Variants in ABCA6 observed in about 807,000 individuals in gnomAD.
ABCA6 encodes the protein ATP-binding cassette sub-family A member 6.
ABCA6 carries 164 observed loss-of-function variants against 191.2 expected under a neutral mutation model. The ratio of observed to expected loss-of-function variants is 0.86; its 90% CI spans 0.76 to 0.98. The LOEUF (loss-of-function observed/expected upper bound fraction) is 0.98. Ranked by LOEUF, ABCA6 falls within the 50% of genes least tolerant of loss-of-function variation. The pLI is 0.00. For missense variants in ABCA6, 1,958 were observed against 1,894.1 expected (o/e 1.03, Z -0.63); for synonymous variants, 636 against 647.7 (o/e 0.98, Z 0.27).
chr17:69,125,344 T>C (rs2144698118), intron 8 of ABCA6, among the ~76,000 whole-genome samples: 1 of 152,046 alleles, frequency 6.6e-6, no homozygotes, highest in East Asian at 1.9e-4. Flanking sequence ...ACAAAGGAGA[T>C]ATAAATTTTG....
In ABCA6 at chr17:69,126,553, C is replaced by T. The variant is rs114631517; in HGVS notation, c.1120-1518G>A. On this transcript the variant is annotated intron_variant, in intron 8 of 38. Coordinates refer to ENST00000284425, the MANE Select transcript of ABCA6 (RefSeq NM_080284.3). The stretch of plus-strand genomic sequence containing the variant: ...GTCCTAGTTACTTGCGAGGCCGAGG[C>T]GGGAAGATCACTTAAGCCCAGGAGG... Among the ~76,000 whole-genome samples, 864 of 151,724 alleles carry T rather than the reference C, an allele frequency of 5.7e-3. 12 individuals are homozygous for T. Among genetic ancestry groups the T allele is most frequent in the African/African-American group, 0.02 (823 of 41,358 alleles).
chr17:69,131,380 CAT>C (rs111419291), intron 6 of ABCA6, among the ~76,000 whole-genome samples: 66 of 152,202 alleles, frequency 4.3e-4, no homozygotes, highest in Middle Eastern at 3.4e-3. Flanking sequence ...TTTTAAAAAA[CAT>C]ATCACATTCT....
Position 69,082,954 on chromosome 17 carries a change from A to G in ABCA6, c.4535T>C (p.Leu1512Pro). 1 of 1,614,210 alleles carries G rather than the reference A, an allele frequency of 6.2e-7. No individual in the cohort carries two copies. The highest frequency in any genetic ancestry group is 8.5e-7 in the Non-Finnish European group (1 of 1,180,030). Residue 1512 changes from leucine (L) to proline (P), a missense_variant, in exon 36 of 39, where the codon CTA (leucine) becomes CCA (proline). By Grantham distance (98) the Leu-to-Pro change is moderately conservative (BLOSUM62 -3). Coordinates refer to ENST00000284425, the MANE Select transcript of ABCA6 (RefSeq NM_080284.3). ...CACTTGAGACGTTTCCTTCACTTTT[A>G]GCTCTAGAATGTAATCCTTGCCAAG... is the stretch of plus-strand genomic sequence containing the variant. ...NKLGKDYILE[L>P]KVKETSQVTL...
intron 25 of ABCA6, among the ~76,000 whole-genome samples, chr17:69,091,913 T>C (rs2072932454): frequency 6.6e-6 from 1 of 152,140 alleles, no homozygotes; most frequent in Admixed American, 6.5e-5. Flanking sequence ...ACAATATTGC[T>C]AATGAATAAA....
chr17:69,125,638 C>A (rs112869917), intron 8 of ABCA6, among the ~76,000 whole-genome samples: 3 of 151,922 alleles, frequency 2.0e-5, no homozygotes, highest in Non-Finnish European at 4.4e-5. Context: ...CCAAAAGTGG[C>A]GAAGTGAAAT....
rs971749656 is a variant in ABCA6 at position 69,082,999 on chromosome 17, A to T, written c.4490T>A (p.Ile1497Asn). Residue 1497 changes from isoleucine (I) to asparagine (N), a missense_variant, in exon 36 of 39, where the codon ATC becomes AAC. Ile to Asn is a moderately radical substitution (Grantham distance 149). Transcript: ENST00000284425. ...VSGRLRCIGS[I>N]QHLKNKLGKD... ...GCCAAGTTTGTTTTTCAGGTGTTGG[A>T]TGGAGCCAATGCATCTATGGGCAAG... 1 of 1,614,088 alleles carries T rather than the reference A, an allele frequency of 6.2e-7. No homozygotes were observed. Among genetic ancestry groups the T allele is most frequent in the African/African-American group, 1.3e-5 (1 of 74,938 alleles).
Position 69,078,716 on chromosome 17 carries a change from AGTTTT to A in ABCA6, c.*252_*256del, listed in dbSNP as rs1481188072. ...TTTTTAAAAAATTCTAAGTTTATAT[AGTTTT>A]ATTTCCACAATACCCAGTGCCTGAC... is the stretch of plus-strand genomic sequence containing the variant. On this transcript the variant is annotated 3_prime_UTR_variant, in exon 39 of 39. Coordinates refer to ENST00000284425, the MANE Select transcript of ABCA6 (RefSeq NM_080284.3). 3.5e-6 allele frequency: 1 copy of A among 289,288 alleles called. No homozygotes were observed. Among genetic ancestry groups the A allele is most frequent in the East Asian group, 6.4e-5 (1 of 15,612 alleles). The allele number at this position is 289,288 out of a possible 1,614,324, so 17.9% of individuals were successfully genotyped here.
chr17:69,091,334 G>T, intron 25 of ABCA6, 72 bp from the exon 26 acceptor site: 1 of 1,516,618 alleles, frequency 6.6e-7, no homozygotes, highest in Non-Finnish European at 9.0e-7. Flanking sequence ...CATTTAAGAT[G>T]CAGGTGTTCT....
At chr17:69,111,240 A>C in intron 16 of ABCA6, 1 of 185,580 alleles carries the variant, frequency 5.4e-6, no homozygotes. Context: ...GAATGTTAGG[A>C]AGAAGAGACT....
intron 12 of ABCA6, 144 bp from the exon 13 acceptor site, chr17:69,115,081 A>C: frequency 1.5e-6 from 1 of 684,160 alleles, no homozygotes; most frequent in Non-Finnish European, 2.4e-6. Context: ...ATATATGCTT[A>C]TAGAACTGCA....
At position 69,110,007 on chromosome 17, in the gene ABCA6, A is replaced by T. The variant is rs570212722; in HGVS notation, c.2272+794T>A. 24 of 152,320 alleles carry T rather than the reference A, an allele frequency of 1.6e-4. No individual in the cohort carries two copies. In the East Asian group the frequency reaches 4.6e-3, roughly 29 times the overall value. 9.4% of individuals were successfully genotyped at this position (152,320 alleles called of 1,614,324 possible). A position where few individuals can be genotyped will look rare whatever the true frequency, so the allele number is the denominator to read the frequency against. ...GTGAAATTGTGAAGAAGGCAGAAGA[A>T]ATTCATGCTACTTTTGCTGTTGCAC... On this transcript the variant is annotated intron_variant, in intron 17 of 38. Coordinates refer to ENST00000284425, the MANE Select transcript of ABCA6 (RefSeq NM_080284.3).
chr17:69,085,796 G>A (rs935633425), intron 30 of ABCA6, 80 bp from the exon 31 acceptor site: 3 of 966,214 alleles, frequency 3.1e-6, no homozygotes, highest in African/African-American at 3.2e-5. Flanking sequence ...GAAATCTTCT[G>A]AGATTTCTGC....
chr17:69,078,984 C>T lies in ABCA6; in HGVS notation c.4843G>A (p.Asp1615Asn). The change falls in exon 39 of 39, where the codon GAT becomes AAT. Residue 1615 changes from aspartate to asparagine, a missense_variant. Coordinates refer to ENST00000284425, the MANE Select transcript of ABCA6 (RefSeq NM_080284.3). ...TMRWKLLPHS[D>N]EP is the part of the protein sequence containing the mutation. ...CTAGGTTTGAGGTTTTAAGGTTCAT[C>T]TGAATGAGGGAGGAGTTTCCATCTC... 3 of 1,607,902 alleles carry T rather than the reference C, an allele frequency of 1.9e-6. No homozygotes were observed. In the South Asian group the frequency reaches 3.3e-5, roughly 18 times the overall value.
At chr17:69,113,502 T>C (rs903920558) in intron 14 of ABCA6, 116 bp downstream of exon 14, 3 of 1,547,812 alleles carry the variant, frequency 1.9e-6, no homozygotes, top group South Asian at 1.2e-5. Context: ...TAGTTAAACA[T>C]AGCAGGTTCT....
chr17:69,119,577 T>C (rs2073601754), intron 10 of ABCA6, among the ~76,000 whole-genome samples: 1 of 152,048 alleles, frequency 6.6e-6, no homozygotes, highest in Admixed American at 6.6e-5. Context: ...CAAGGCTACT[T>C]TGTACCACAT....
At chr17:69,080,684 G>A (rs1652177414) in intron 37 of ABCA6, among the ~76,000 whole-genome samples, 1 of 152,152 alleles carries the variant, frequency 6.6e-6, no homozygotes, top group Admixed American at 6.5e-5. Flanking sequence ...GGATAAAAGT[G>A]GGAAGGAGGT....
Position 69,082,893 on chromosome 17 carries a change from TG to T in ABCA6, c.4595del (p.Pro1532HisfsTer13). ...LVHTEILKLF[P>X]QAAGQERYSS... ...CTCACCTTTCCTGCCCTGCAGCCTG[TG>T]GGAAAAGCTTCAGAATCTCAGTGTG... On this transcript the variant is annotated frameshift_variant, in exon 36 of 39. Transcript: ENST00000284425. LOFTEE classifies it high-confidence loss of function. 1 of 1,614,200 alleles carries T rather than the reference TG, an allele frequency of 6.2e-7. No homozygotes were observed. The highest frequency in any genetic ancestry group is 8.5e-7 in the Non-Finnish European group (1 of 1,180,026).
At chr17:69,079,153 C>T (rs2302289) in intron 38 of ABCA6, 57 bp downstream of exon 38, 1,438,982 of 1,582,394 alleles carry the variant, frequency 0.91, 663,550 homozygotes, top group Non-Finnish European at 0.94. Flanking sequence ...CAGGAAAATG[C>T]ATGTTGCTTT....
chr17:69,131,265 A>G (rs574102145), intron 6 of ABCA6, among the ~76,000 whole-genome samples: 1 of 152,300 alleles, frequency 6.6e-6, no homozygotes, highest in African/African-American at 2.4e-5. Flanking sequence ...CTTTGCATCA[A>G]TATGTCCCAG....
Sources: allele counts gnomAD v4.1 joint callset (sites outside exome capture counted in the v4.1 genomes callset), GRCh38; gene constraint gnomAD v4.1.1; transcripts MANE v1.5; gene names NCBI Gene and HGNC (gene_info 2026-07-23, HGNC 2026-07-21).